HCFC2: variants seen among roughly 807,000 people sequenced by gnomAD.
The protein encoded by HCFC2 is host cell factor C2, also known as host cell factor 2.
Under a neutral mutation model 89.2 loss-of-function variants are expected in HCFC2, and 18 were observed. The ratio of observed to expected loss-of-function variants is 0.20; its 90% CI spans 0.14 to 0.30. The LOEUF is 0.30. Ranked by LOEUF, HCFC2 falls within the 10% of genes least tolerant of loss-of-function variation. HCFC2 has a pLI of 1.00. For missense variants in HCFC2, 578 were observed against 956.1 expected, an observed-to-expected ratio of 0.60 and a Z score of 5.21; for synonymous variants, 308 against 335.7, an observed-to-expected ratio of 0.92 and a Z score of 0.90.
In HCFC2 at chr12:104,066,306, T is replaced by C; in HGVS notation, c.303T>C (p.Tyr101=). Residue 101 remains tyrosine, a synonymous_variant, in exon 2 of 15, where the codon TAT becomes TAC. Coordinates refer to ENST00000229330, the MANE Select transcript of HCFC2 (RefSeq NM_013320.3). ...ATGGAAGATACAGCAATGAGTTATA[T>C]GAGTTACAAGTAAGTGTATTTAATA... ...VEYGRYSNEL[Y]ELQASRWLWK... The C allele has an allele frequency of 6.3e-7, 1 of 1,595,874 alleles. No individual in the cohort carries two copies.
intron 9 of HCFC2, 94 bp from the exon 10 acceptor site, chr12:104,093,292 G>T: frequency 1.3e-6 from 1 of 751,242 alleles, no homozygotes; most frequent in Non-Finnish European, 2.0e-6. Flanking sequence ...TTGATAAAAA[G>T]TATTTAAATT....
intron 9 of HCFC2, chr12:104,091,083 A>G (rs970395130): frequency 6.6e-6 from 1 of 152,202 alleles, no homozygotes; most frequent in African/African-American, 2.4e-5. Context: ...CTTTTTGTTC[A>G]GCATTTAGAC....
Position 104,103,029 on chromosome 12 carries a change from C to G in HCFC2, c.2135C>G (p.Ala712Gly), listed in dbSNP as rs1193917539. ...TCTGGAAATATTTTGGAATATTCAG[C>G]CTACTTGGCTATCCGCACAGCACAG... ...SPSGNILEYSAYLAIRTAQIQ... is the reference protein window; with the variant it reads ...SPSGNILEYSGYLAIRTAQIQ... Residue 712 changes from alanine (A) to glycine (G), a missense_variant, in exon 15 of 15, where the codon GCC (alanine) becomes GGC (glycine). This residue lies in a region of HCFC2 where 140 missense variants were observed against 266.4 expected (regional missense o/e 0.53). Coordinates refer to ENST00000229330, the MANE Select transcript of HCFC2 (RefSeq NM_013320.3). 1.9e-6 allele frequency: 3 copies of G among 1,613,496 alleles called. No individual in the cohort carries two copies. Among genetic ancestry groups the G allele is most frequent in the East Asian group, 2.2e-5 (1 of 44,730 alleles).
At chr12:104,093,297 T>A (rs1884078168) in intron 9 of HCFC2, 89 bp from the exon 10 acceptor site, 1 of 819,498 alleles carries the variant, frequency 1.2e-6, no homozygotes. Flanking sequence ...AAAAAGTATT[T>A]AAATTGTAAC....
At chr12:104,091,237 T>C (rs533669066) in intron 9 of HCFC2, among the ~76,000 whole-genome samples, 1 of 152,324 alleles carries the variant, frequency 6.6e-6, no homozygotes, top group South Asian at 2.1e-4. Flanking sequence ...TCAGCTAGAA[T>C]GGAGGAGAGG....
intron 3 of HCFC2, among the ~76,000 whole-genome samples, chr12:104,076,105 AC>A (rs1356689045): frequency 6.6e-6 from 1 of 152,140 alleles, no homozygotes; most frequent in Non-Finnish European, 1.5e-5. Flanking sequence ...TGAGTTCTTG[AC>A]TGTGTACAAG....
rs559361222 is a variant in HCFC2, at chr12:104,103,091, A to G, written c.2197A>G (p.Ile733Val). 1 of 1,614,078 alleles carries G rather than the reference A, an allele frequency of 6.2e-7. No individual in the cohort carries two copies. Among genetic ancestry groups the G allele is most frequent in the East Asian group, 2.2e-5 (1 of 44,874 alleles). Residue 733 changes from isoleucine (I) to valine (V), a missense_variant, in exon 15 of 15, where the codon ATT becomes GTT. By Grantham distance (29) the Ile-to-Val change is conservative (BLOSUM62 3). This residue lies in a region of HCFC2 where 140 missense variants were observed against 266.4 expected (regional missense o/e 0.53). Coordinates refer to ENST00000229330, the MANE Select transcript of HCFC2 (RefSeq NM_013320.3). ...DNPSQLVFMR[I>V]YCGLKTSCIV... ...TCCAAGTCAACTTGTGTTCATGAGG[A>G]TTTATTGTGGTCTTAAGACATCATG...
chr12:104,080,918 G>T (rs1883663668), intron 5 of HCFC2, 88 bp downstream of exon 5: 2 of 775,298 alleles, frequency 2.6e-6, no homozygotes, highest in East Asian at 5.6e-5. Context: ...GTAGTTTCTT[G>T]GAAATAGATT....
At chr12:104,099,474 G>A (rs920313702) in intron 13 of HCFC2, among the ~76,000 whole-genome samples, 1 of 151,816 alleles carries the variant, frequency 6.6e-6, no homozygotes. Context: ...GGTGGAGCAT[G>A]CCTGCAGTCC....
chr12:104,093,303 G>A, intron 9 of HCFC2, 83 bp from the exon 10 acceptor site: 1 of 855,430 alleles, frequency 1.2e-6, no homozygotes, highest in Non-Finnish European at 1.7e-6. Context: ...TATTTAAATT[G>A]TAACTTATTT....
At chr12:104,090,946 G>C (rs1314683090) in intron 9 of HCFC2, 1 of 152,088 alleles carries the variant, frequency 6.6e-6, no homozygotes, top group East Asian at 1.9e-4. Flanking sequence ...ACAAATGTAA[G>C]TATCAGTGGG....
At chr12:104,077,414 T>G (rs1710451679) in intron 3 of HCFC2, among the ~76,000 whole-genome samples, 2 of 152,010 alleles carry the variant, frequency 1.3e-5, no homozygotes, top group Admixed American at 1.3e-4. Flanking sequence ...AGCTAATTTT[T>G]TGTATTTTTA....
At chr12:104,090,634 A>G (rs2136620261) in intron 9 of HCFC2, among the ~76,000 whole-genome samples, 1 of 152,092 alleles carries the variant, frequency 6.6e-6, no homozygotes, top group African/African-American at 2.4e-5. Context: ...TATTTCTGTT[A>G]ATAGCACCCT....
chr12:104,074,351 G>A (rs1220878385), intron 3 of HCFC2, among the ~76,000 whole-genome samples: 1 of 152,090 alleles, frequency 6.6e-6, no homozygotes, highest in East Asian at 1.9e-4. Flanking sequence ...ATAGAGACAA[G>A]GTCTTTCCGT....
chr12:104,071,539 T>G (rs1883326936), intron 3 of HCFC2, among the ~76,000 whole-genome samples: 1 of 152,232 alleles, frequency 6.6e-6, no homozygotes, highest in African/African-American at 2.4e-5. Context: ...AAAGAAGAGT[T>G]GGGAACACAT....
rs1883981150 is a variant in HCFC2, at chr12:104,090,036, A to G, written c.1284+1998A>G. On this transcript the variant is annotated intron_variant, in intron 9 of 14. Transcript: ENST00000229330. ...AACTTCTCTCTGTTTCATAATAGGA[A>G]TTTATCTCTTTCCTGTGTTACAGCC... Among the ~76,000 whole-genome samples the G allele has an allele frequency of 2.0e-5, 3 of 152,160 alleles. No homozygotes were observed. The South Asian group carries it at 6.2e-4, about 32-fold the overall frequency.
Position 104,105,607 on chromosome 12 carries a change from A to G in HCFC2, c.*2334A>G, listed in dbSNP as rs1011652986. On this transcript the variant is annotated 3_prime_UTR_variant, in exon 15 of 15. Transcript: ENST00000229330. ...TTTTTTTTTTTTTTGGCATTTGTAC[A>G]TTAAGCACCAGTCATATTTATCTCT... is the stretch of plus-strand genomic sequence containing the variant. 16 of 148,628 alleles carry G rather than the reference A, an allele frequency of 1.1e-4. No individual in the cohort carries two copies. Among genetic ancestry groups the G allele is most frequent in the African/African-American group, 3.7e-4 (15 of 40,380 alleles). The allele number at this position is 148,628 out of a possible 1,614,324, so 9.2% of individuals were successfully genotyped here. A position where few individuals can be genotyped will look rare whatever the true frequency, so the allele number is the denominator to read the frequency against.
intron 7 of HCFC2, among the ~76,000 whole-genome samples, chr12:104,086,483 C>G (rs1000980267): frequency 1.3e-5 from 2 of 151,996 alleles, no homozygotes; most frequent in Middle Eastern, 3.4e-3. Context: ...CCAGCCTCCC[C>G]CCAAAAACCT....
chr12:104,064,856 G>T lies in HCFC2; in HGVS notation c.163+133G>T. On this transcript the variant is annotated intron_variant, in intron 1 of 14. Coordinates refer to ENST00000229330, the MANE Select transcript of HCFC2 (RefSeq NM_013320.3). This position sits in a 1 kb window ranked among gnomAD's most constrained non-coding sequence, Gnocchi z 7.3. ...TCCTTGGGCGGGCGGCGGGGAGCGC[G>T]GCTCAGCCGGGCAGCCCGGGTCCGG... 1 of 762,172 alleles carries T rather than the reference G, an allele frequency of 1.3e-6. No homozygotes were observed. The highest frequency in any genetic ancestry group is 1.9e-6 in the Non-Finnish European group (1 of 527,382). 47.2% of individuals were successfully genotyped at this position (762,172 alleles called of 1,614,324 possible).
Sources: allele counts gnomAD v4.1 joint callset (sites outside exome capture counted in the v4.1 genomes callset), GRCh38; gene constraint gnomAD v4.1.1; regional missense constraint gnomAD v4.1.1; non-coding constraint Gnocchi (gnomAD v3.1); transcripts MANE v1.5; gene names NCBI Gene and HGNC (gene_info 2026-07-23, HGNC 2026-07-21).